Variants in SCAPER observed in about 807,000 individuals in gnomAD.
SCAPER encodes the protein S-phase cyclin A associated protein in the ER, also known as S phase cyclin A-associated protein in the endoplasmic reticulum.
Under a neutral mutation model 182.2 loss-of-function variants are expected in SCAPER, and 98 were observed. The observed-to-expected ratio is 0.54, with a 90% CI of 0.46 to 0.64. The LOEUF (loss-of-function observed/expected upper bound fraction) is 0.64. Ranked by LOEUF, SCAPER falls within the 30% of genes least tolerant of loss-of-function variation. The pLI, the probability that SCAPER is intolerant of heterozygous loss-of-function variation, is 0.00. For synonymous variants in SCAPER, 605 were observed against 564.6 expected, an observed-to-expected ratio of 1.07 and a Z score of -1.01; for missense variants, 1,432 against 1,690.0, an observed-to-expected ratio of 0.85 and a Z score of 2.68.
intron 29 of SCAPER, among the ~76,000 whole-genome samples, chr15:76,371,143 GCTTA>G (rs1193822876): frequency 4.6e-5 from 7 of 152,248 alleles, no homozygotes; most frequent in African/African-American, 1.4e-4. Context: ...ATTTCAGGGA[GCTTA>G]CTTTATCTTT....
intron 3 of SCAPER, chr15:76,861,765 A>G (rs2071892905): frequency 6.6e-6 from 1 of 152,208 alleles, no homozygotes; most frequent in Admixed American, 6.5e-5. Flanking sequence ...ACCTAAATGT[A>G]TTAGTCCATT....
rs75085334 is a variant in SCAPER, at chr15:76,404,650, T to G, written c.3341A>C (p.Lys1114Thr). ...SYVVNMGLIDKLCACFLSVQG... is the reference protein window; with the variant it reads ...SYVVNMGLIDTLCACFLSVQG... ...CACCGAGAGGAAGCAGGCACACAGT[T>G]TGTCAATCAGACCCATGTTCACCAC... The change falls in exon 27 of 32, where the codon AAA becomes ACA. Residue 1114 changes from lysine to threonine, a missense_variant. By Grantham distance (78) the Lys-to-Thr change is moderately conservative (BLOSUM62 -1). Coordinates refer to ENST00000563290, the MANE Select transcript of SCAPER (RefSeq NM_020843.4). 1.9e-4 allele frequency: 299 copies of G among 1,611,998 alleles called. 1 individual carries two copies. The East Asian group carries it at 5.7e-3, about 31-fold the overall frequency.
At chr15:76,374,262 G>T (rs1010803475) in intron 29 of SCAPER, among the ~76,000 whole-genome samples, 2 of 151,726 alleles carry the variant, frequency 1.3e-5, no homozygotes, top group Non-Finnish European at 2.9e-5. Context: ...GGTGGTGGGT[G>T]CCTATAATCC....
intron 15 of SCAPER, among the ~76,000 whole-genome samples, chr15:76,739,850 A>T (rs1476463810): frequency 2.0e-5 from 3 of 152,228 alleles, no homozygotes; most frequent in Non-Finnish European, 2.9e-5. Context: ...TGCATGGTAC[A>T]GAACAGATAG....
At chr15:76,518,831 A>G (rs1349568634) in intron 23 of SCAPER, among the ~76,000 whole-genome samples, 1 of 152,236 alleles carries the variant, frequency 6.6e-6, no homozygotes, top group Non-Finnish European at 1.5e-5. Flanking sequence ...TAATGTCACA[A>G]ATAATACCTT....
At chr15:76,380,225 G>C (rs2042862781) in intron 28 of SCAPER, 1 of 152,074 alleles carries the variant, frequency 6.6e-6, no homozygotes, top group South Asian at 2.1e-4. Flanking sequence ...TTTTGGAGCA[G>C]ATATCTCTCA....
chr15:76,366,496 T>G (rs2041829026), intron 29 of SCAPER, among the ~76,000 whole-genome samples: 1 of 152,256 alleles, frequency 6.6e-6, no homozygotes, highest in South Asian at 2.1e-4. Context: ...GTTTACTGCT[T>G]TCTCAAGTGA....
intron 21 of SCAPER, among the ~76,000 whole-genome samples, chr15:76,656,852 G>T (rs529736564): frequency 3.9e-5 from 6 of 151,956 alleles, no homozygotes; most frequent in Non-Finnish European, 8.8e-5. Context: ...AAACTAATGA[G>T]AAAAAAAGAT....
At chr15:76,733,474 C>T (rs1046697942) in intron 15 of SCAPER, 90 bp from the exon 16 acceptor site, 26 of 1,459,154 alleles carry the variant, frequency 1.8e-5, no homozygotes, top group Admixed American at 8.7e-5. Context: ...TCAGGCTGGG[C>T]GTGGTGGTTC....
At chr15:76,693,237 G>C (rs2058474785) in intron 20 of SCAPER, among the ~76,000 whole-genome samples, 1 of 152,138 alleles carries the variant, frequency 6.6e-6, no homozygotes, top group African/African-American at 2.4e-5. Flanking sequence ...AACACACACA[G>C]TAAATCATAG....
At chr15:76,440,996 A>G (rs1383418077) in intron 25 of SCAPER, among the ~76,000 whole-genome samples, 5 of 129,350 alleles carry the variant, frequency 3.9e-5, no homozygotes, top group Non-Finnish European at 6.1e-5. Context: ...ATCTTGGCTC[A>G]CTGCAAGCTC....
chr15:76,538,127 A>G (rs1420197311), intron 23 of SCAPER, among the ~76,000 whole-genome samples: 1 of 147,004 alleles, frequency 6.8e-6, no homozygotes, highest in Non-Finnish European at 1.5e-5. Flanking sequence ...GGGACTGTAA[A>G]CTAGTTCAAC....
At chr15:76,641,496 T>G (rs2054101040) in intron 21 of SCAPER, among the ~76,000 whole-genome samples, 1 of 152,086 alleles carries the variant, frequency 6.6e-6, no homozygotes, top group Non-Finnish European at 1.5e-5. Context: ...TTTCACTATC[T>G]TGTATGTGTC....
chr15:76,771,412 T>C (rs76640258), intron 10 of SCAPER, among the ~76,000 whole-genome samples: 6,856 of 152,136 alleles, frequency 0.045, 251 homozygotes, highest in Non-Finnish European at 0.068. Context: ...CCATTTCCCA[T>C]CTATCAGAAT....
intron 1 of SCAPER, among the ~76,000 whole-genome samples, chr15:76,899,718 A>G (rs1168559716): frequency 6.6e-6 from 1 of 151,814 alleles, no homozygotes; most frequent in African/African-American, 2.4e-5. Flanking sequence ...GGAAGTGAGG[A>G]GCGTCTCTGC....
intron 4 of SCAPER, among the ~76,000 whole-genome samples, chr15:76,850,471 G>T (rs751997386): frequency 6.6e-6 from 1 of 152,156 alleles, no homozygotes; most frequent in Non-Finnish European, 1.5e-5. Context: ...ACCAATGCAA[G>T]AACTCCAGTA....
chr15:76,780,946 G>C (rs1422157165), intron 8 of SCAPER, among the ~76,000 whole-genome samples: 1 of 152,150 alleles, frequency 6.6e-6, no homozygotes, highest in Non-Finnish European at 1.5e-5. Context: ...GAGCAGAAAA[G>C]CTGAAAATTC....
chr15:76,851,434 T>C (rs1352643088), intron 4 of SCAPER, among the ~76,000 whole-genome samples: 4 of 151,738 alleles, frequency 2.6e-5, no homozygotes. Context: ...TGAAGGTAGC[T>C]TTAATAGAGA....
chr15:76,804,513 G>A lies in SCAPER; in HGVS notation c.494+20C>T, dbSNP rs376171646. The A allele has an allele frequency of 7.3e-6, 11 of 1,517,006 alleles. No homozygotes were observed. In the African/African-American group the frequency reaches 1.2e-4, roughly 17 times the overall value. The allele number at this position is 1,517,006 out of a possible 1,614,324, so 94.0% of individuals were successfully genotyped here. A position where few individuals can be genotyped will look rare whatever the true frequency, so the allele number is the denominator to read the frequency against. On this transcript the variant is annotated intron_variant, in intron 6 of 31. Transcript: ENST00000563290. ...GAAACTGCTGGATGATAGGAAGATT[G>A]AGACCAGAGAGCTCATTACCTGCTT...
Sources: gnomAD v4.1 joint callset for allele counts (sites outside exome capture counted in the v4.1 genomes callset) on GRCh38, gnomAD v4.1.1 for gene constraint, MANE v1.5 for transcripts, NCBI Gene and HGNC (gene_info 2026-07-23, HGNC 2026-07-21) for gene names.